Variants in IGF2BP2 observed in about 807,000 individuals in gnomAD.
IGF2BP2 encodes the protein insulin-like growth factor 2 mRNA-binding protein 2.
IGF2BP2 carries 17 observed loss-of-function variants against 75.8 expected under a neutral mutation model. The observed-to-expected ratio is 0.22, with a 90% CI of 0.15 to 0.34. The LOEUF (loss-of-function observed/expected upper bound fraction) is 0.34. Among genes scored for constraint, IGF2BP2 ranks in the 10% least tolerant of loss-of-function variants. The pLI, the probability that IGF2BP2 is intolerant of heterozygous loss-of-function variation, is 1.00. For synonymous variants in IGF2BP2, 288 were observed against 295.6 expected, an observed-to-expected ratio of 0.97 and a Z score of 0.26; for missense variants, 516 against 772.4, an observed-to-expected ratio of 0.67 and a Z score of 3.93.
chr3:185,664,712 A>G (rs1034776691), intron 10 of IGF2BP2, among the ~76,000 whole-genome samples: 1 of 152,238 alleles, frequency 6.6e-6, no homozygotes, highest in Non-Finnish European at 1.5e-5. Context: ...TGAAAAGCCC[A>G]TCAATGCACG....
chr3:185,757,704 A>T (rs1388096839), intron 2 of IGF2BP2, among the ~76,000 whole-genome samples: 1 of 152,036 alleles, frequency 6.6e-6, no homozygotes, highest in Non-Finnish European at 1.5e-5. Flanking sequence ...GCCTTAAATG[A>T]TCCACCCATG....
At chr3:185,813,017 G>A (rs1467672175) in intron 2 of IGF2BP2, among the ~76,000 whole-genome samples, 1 of 152,134 alleles carries the variant, frequency 6.6e-6, no homozygotes, top group Non-Finnish European at 1.5e-5. Flanking sequence ...CCATTAATAT[G>A]CAAATCAGTG....
chr3:185,776,800 G>T, intron 2 of IGF2BP2, among the ~76,000 whole-genome samples: 1 of 152,242 alleles, frequency 6.6e-6, no homozygotes, highest in Middle Eastern at 3.4e-3. Context: ...CATCTTCATC[G>T]GTCTTGTCAA....
chr3:185,777,447 C>T (rs1734665893), intron 2 of IGF2BP2, among the ~76,000 whole-genome samples: 1 of 152,062 alleles, frequency 6.6e-6, no homozygotes, highest in Non-Finnish European at 1.5e-5. Context: ...GCCAAGATCG[C>T]ACCACTAGCC....
chr3:185,707,584 G>C (rs964868572), intron 2 of IGF2BP2, among the ~76,000 whole-genome samples: 1 of 152,014 alleles, frequency 6.6e-6, no homozygotes, highest in African/African-American at 2.4e-5. Context: ...TGGGATTACA[G>C]GCGTGAGCCA....
At chr3:185,775,200 TACA>T (rs752409909) in intron 2 of IGF2BP2, among the ~76,000 whole-genome samples, 9 of 152,360 alleles carry the variant, frequency 5.9e-5, no homozygotes, top group Admixed American at 2.6e-4. Context: ...GCAAAGCATT[TACA>T]ACAATACCTG....
At chr3:185,703,437 A>C (rs1286462979) in intron 2 of IGF2BP2, among the ~76,000 whole-genome samples, 1 of 152,196 alleles carries the variant, frequency 6.6e-6, no homozygotes, top group African/African-American at 2.4e-5. Context: ...GTAAGGAGGC[A>C]ATCAGCTGGG....
chr3:185,769,830 CAAAA>C (rs35418660), intron 2 of IGF2BP2, among the ~76,000 whole-genome samples: 6 of 77,170 alleles, frequency 7.8e-5, no homozygotes, highest in Non-Finnish European at 1.3e-4. Flanking sequence ...ACCCTGTCTC[CAAAA>C]AAAAAAAAAA....
At chr3:185,824,425 T>C (rs1430541274) in intron 1 of IGF2BP2, among the ~76,000 whole-genome samples, 1 of 105,350 alleles carries the variant, frequency 9.5e-6, no homozygotes, top group Non-Finnish European at 1.8e-5. Context: ...AGGGGAGAAG[T>C]GAGACAGGGG....
chr3:185,749,785 A>T, intron 2 of IGF2BP2, among the ~76,000 whole-genome samples: 1 of 152,230 alleles, frequency 6.6e-6, no homozygotes, highest in East Asian at 1.9e-4. Context: ...CAATTAACAA[A>T]GTTGCAGTGT....
Position 185,689,549 on chromosome 3 carries a change from G to T in IGF2BP2, c.483C>A (p.Ser161Arg), listed in dbSNP as rs765639851. The T allele has an allele frequency of 6.2e-7, 1 of 1,614,122 alleles. No individual in the cohort carries two copies. Among genetic ancestry groups the T allele is most frequent in the African/African-American group, 1.3e-5 (1 of 74,954 alleles). Reference sequence around the variant, plus strand: ...GGGCTCGCTGAGGGGGCGAAGGGGAGCTCACCTCTTCATCCGGGATGTAGG... The same window carrying T: ...GGGCTCGCTGAGGGGGCGAAGGGGATCTCACCTCTTCATCCGGGATGTAGG... The part of the protein sequence containing the change: ...KISYIPDEEV[S>R]SPSPPQRAQR... The change falls in exon 6 of 16, where the codon AGC becomes AGA. Residue 161 changes from serine to arginine, a missense_variant. Transcript: ENST00000382199.
chr3:185,736,086 G>T (rs1728816709), intron 2 of IGF2BP2, among the ~76,000 whole-genome samples: 1 of 152,162 alleles, frequency 6.6e-6, no homozygotes, highest in Non-Finnish European at 1.5e-5. Flanking sequence ...AGGCCCCAAG[G>T]GGTCCCCCAG....
At chr3:185,676,651 G>A (rs1311959796) in intron 7 of IGF2BP2, among the ~76,000 whole-genome samples, 1 of 149,176 alleles carries the variant, frequency 6.7e-6, no homozygotes, top group African/African-American at 2.5e-5. Flanking sequence ...CTCCAGCCTG[G>A]GCTACAGAGC....
At position 185,823,210 on chromosome 3, in the gene IGF2BP2, T is replaced by C. The variant is rs1741585973; in HGVS notation, c.182A>G (p.Lys61Arg). Residue 61 changes from lysine to arginine, a missense_variant, in exon 2 of 16, where the codon AAA (lysine) becomes AGA (arginine). Lys to Arg is a conservative substitution (Grantham distance 26, BLOSUM62 2). Around this residue, in one of 3 missense-constraint regions of IGF2BP2, gnomAD observed 312 missense variants for 474.5 expected, o/e 0.66. Coordinates refer to ENST00000382199, the MANE Select transcript of IGF2BP2 (RefSeq NM_006548.6). ...AIRAIETLSG[K>R]VELHGKIMEV... ...CATGATTTTCCCATGCAATTCCACT[T>C]TACCTTTAAAACAGAAATTAAAGCA... The C allele has an allele frequency of 6.2e-7, 1 of 1,609,520 alleles. No individual in the cohort carries two copies. Among genetic ancestry groups the C allele is most frequent in the Non-Finnish European group, 8.5e-7 (1 of 1,177,320 alleles).
intron 2 of IGF2BP2, among the ~76,000 whole-genome samples, chr3:185,725,895 T>C (rs1457846893): frequency 6.6e-6 from 1 of 152,176 alleles, no homozygotes; most frequent in Non-Finnish European, 1.5e-5. Context: ...GCCCAGGAAG[T>C]TGAAGCTACA....
intron 2 of IGF2BP2, among the ~76,000 whole-genome samples, chr3:185,708,594 G>A (rs1724376610): frequency 1.3e-5 from 2 of 152,106 alleles, no homozygotes; most frequent in African/African-American, 4.8e-5. Context: ...GCACGGCGGG[G>A]TGCAGCACAT....
At chr3:185,823,241 A>T (rs1301292248) in intron 1 of IGF2BP2, 28 bp from the exon 2 acceptor site, 1 of 1,578,894 alleles carries the variant, frequency 6.3e-7, no homozygotes, top group African/African-American at 1.4e-5. Flanking sequence ...AAGCACTCAG[A>T]ACCTTGCTTA....
chr3:185,660,868 C>T (rs1029488077), intron 10 of IGF2BP2, among the ~76,000 whole-genome samples: 3 of 152,208 alleles, frequency 2.0e-5, no homozygotes, highest in African/African-American at 4.8e-5. Context: ...TCCTTCAGGT[C>T]TCATGGCAGA....
chr3:185,681,459 C>T (rs1324045061), intron 7 of IGF2BP2, among the ~76,000 whole-genome samples: 1 of 152,150 alleles, frequency 6.6e-6, no homozygotes, highest in Non-Finnish European at 1.5e-5. Flanking sequence ...GGAAAGACAT[C>T]CTGTGTTCAT....
Sources: gnomAD v4.1 joint callset for allele counts (sites outside exome capture counted in the v4.1 genomes callset) on GRCh38, gnomAD v4.1.1 for gene constraint, gnomAD v4.1.1 regional missense constraint, MANE v1.5 for transcripts, NCBI Gene and HGNC (gene_info 2026-07-23, HGNC 2026-07-21) for gene names.